Variants in CACNA2D3 observed in about 807,000 individuals in gnomAD.
The protein encoded by CACNA2D3 is calcium voltage-gated channel auxiliary subunit alpha2delta 3, also known as voltage-dependent calcium channel subunit alpha-2/delta-3.
Under a neutral mutation model 160.6 loss-of-function variants are expected in CACNA2D3, and 60 were observed. The ratio of observed to expected loss-of-function variants is 0.37; its 90% confidence interval spans 0.30 to 0.46. CACNA2D3 has a LOEUF of 0.46. CACNA2D3 is among the 20% of genes least tolerant of loss of function. The pLI, the probability that CACNA2D3 is intolerant of heterozygous loss-of-function variation, is 1.00. For missense variants in CACNA2D3, 1,205 were observed against 1,365.0 expected (o/e 0.88, Z 1.85); for synonymous variants, 558 against 492.9 (o/e 1.13, Z -1.75).
At chr3:54,683,172 TA>T (rs1553782077) in intron 11 of CACNA2D3, among the ~76,000 whole-genome samples, 1 of 152,124 alleles carries the variant, frequency 6.6e-6, no homozygotes, top group Non-Finnish European at 1.5e-5. Flanking sequence ...AGCATCACAG[TA>T]GTAATGAACT....
intron 27 of CACNA2D3, among the ~76,000 whole-genome samples, chr3:54,934,206 C>G (rs1319174321): frequency 1.3e-5 from 2 of 152,192 alleles, no homozygotes; most frequent in Non-Finnish European, 2.9e-5. Flanking sequence ...ATTAAGGGAA[C>G]CTATAGTTGT....
chr3:54,256,923 G>A (rs57537423), intron 2 of CACNA2D3, among the ~76,000 whole-genome samples: 4,991 of 152,222 alleles, frequency 0.033, 274 homozygotes, highest in African/African-American at 0.11. Context: ...ATTATTTGTC[G>A]CACTTTTTGG....
intron 2 of CACNA2D3, among the ~76,000 whole-genome samples, chr3:54,126,432 A>G (rs1699592005): frequency 6.6e-6 from 1 of 152,190 alleles, no homozygotes; most frequent in Non-Finnish European, 1.5e-5. Flanking sequence ...TTCAGAAATA[A>G]GAGTATTTTA....
intron 2 of CACNA2D3, among the ~76,000 whole-genome samples, chr3:54,218,029 T>G (rs993526618): frequency 3.1e-4 from 45 of 145,392 alleles, no homozygotes; most frequent in African/African-American, 1.1e-3. Flanking sequence ...GAGAGAGAGG[T>G]GTGTTAGAGA....
chr3:54,684,739 TA>T (rs1254566375), intron 11 of CACNA2D3, among the ~76,000 whole-genome samples: 1 of 113,190 alleles, frequency 8.8e-6, no homozygotes, highest in East Asian at 2.3e-4. Context: ...AAACCATTAT[TA>T]AACGTTTGTC....
intron 11 of CACNA2D3, among the ~76,000 whole-genome samples, chr3:54,692,916 T>A (rs1700595590): frequency 6.6e-6 from 1 of 152,178 alleles, no homozygotes; most frequent in South Asian, 2.1e-4. Context: ...AAAAAAGCCA[T>A]TTAGTTTTTG....
rs766164705 is a variant in CACNA2D3, at chr3:54,987,707, G to A, written c.2644G>A (p.Glu882Lys). Residue 882 changes from glutamate to lysine, a missense_variant, in exon 31 of 38, where the codon GAG becomes AAG. By Grantham distance (56) the Glu-to-Lys change is moderately conservative (BLOSUM62 1). This residue lies in a region of CACNA2D3 where 911 missense variants were observed against 1,002.2 expected (regional missense o/e 0.91). Coordinates refer to ENST00000474759, the MANE Select transcript of CACNA2D3 (RefSeq NM_018398.3). ...GACTGGAGACTTTTTTGGTGAGATC[G>A]AGGGAGCTGTGATGAACAAATTGCT... ...TQTGDFFGEI[E>K]GAVMNKLLTM... 2.5e-6 allele frequency: 4 copies of A among 1,610,250 alleles called. No individual in the cohort carries two copies. Among genetic ancestry groups the A allele is most frequent in the South Asian group, 1.1e-5 (1 of 90,370 alleles).
chr3:54,251,265 T>C (rs755218237), intron 2 of CACNA2D3, among the ~76,000 whole-genome samples: 1 of 152,120 alleles, frequency 6.6e-6, no homozygotes, highest in Non-Finnish European at 1.5e-5. Context: ...CTGCAAGAGA[T>C]GAAGTCTTCT....
chr3:54,731,076 A>G (rs1019395554), intron 11 of CACNA2D3, among the ~76,000 whole-genome samples: 3 of 152,122 alleles, frequency 2.0e-5, no homozygotes, highest in Admixed American at 6.5e-5. Context: ...TCAACTTGCC[A>G]AAAAAAGAAT....
At chr3:54,742,903 A>G (rs116176349) in intron 11 of CACNA2D3, among the ~76,000 whole-genome samples, 792 of 152,316 alleles carry the variant, frequency 5.2e-3, no homozygotes, top group Non-Finnish European at 9.1e-3. Flanking sequence ...GAGCTTTTTT[A>G]TACCTCCATT....
intron 2 of CACNA2D3, among the ~76,000 whole-genome samples, chr3:54,182,390 A>G (rs1700800069): frequency 6.6e-6 from 1 of 152,182 alleles, no homozygotes; most frequent in Admixed American, 6.5e-5. Context: ...AGAGGTAACA[A>G]ATGGCTTTCT....
At chr3:54,475,811 G>A (rs1332346213) in intron 4 of CACNA2D3, among the ~76,000 whole-genome samples, 1 of 148,842 alleles carries the variant, frequency 6.7e-6, no homozygotes, top group African/African-American at 2.4e-5. Context: ...GTTACCATTT[G>A]TGTGTGTGTG....
In CACNA2D3 at chr3:54,696,145, ATCT is replaced by A. The variant is rs575039733; in HGVS notation, c.1167+53909_1167+53911del. 1.9e-4 allele frequency among the ~76,000 whole-genome samples: 29 copies of A among 152,218 alleles called. No homozygotes were observed. In the South Asian group the frequency reaches 4.8e-3, roughly 25 times the overall value. The stretch of plus-strand genomic sequence containing the variant: ...ACTCCACCATTATATTCAGAGAAAA[ATCT>A]TCTTAGTAGTTTCCATTATAGTTGC... On this transcript the variant is annotated intron_variant, in intron 11 of 37. Transcript: ENST00000474759.
intron 11 of CACNA2D3, among the ~76,000 whole-genome samples, chr3:54,665,949 G>A (rs1327979959): frequency 2.6e-5 from 4 of 152,082 alleles, no homozygotes; most frequent in East Asian, 1.9e-4. Flanking sequence ...CTACAGGGAT[G>A]TGCCACCATG....
intron 8 of CACNA2D3, among the ~76,000 whole-genome samples, chr3:54,576,260 A>G (rs532527222): frequency 6.6e-6 from 1 of 152,234 alleles, no homozygotes; most frequent in South Asian, 2.1e-4. Flanking sequence ...CCAGAGCCCA[A>G]AGTCAGTTGT....
intron 21 of CACNA2D3, 41 bp from the exon 22 acceptor site, chr3:54,885,240 G>A (rs1019249104): frequency 7.5e-6 from 12 of 1,605,694 alleles, no homozygotes; most frequent in South Asian, 2.2e-5. Context: ...AGGACTGGGG[G>A]AGTGATACTT....
chr3:54,379,844 T>G (rs2106641633), intron 3 of CACNA2D3, among the ~76,000 whole-genome samples: 1 of 152,312 alleles, frequency 6.6e-6, no homozygotes, highest in East Asian at 1.9e-4. Flanking sequence ...TTGTCACTTG[T>G]CCCTTCTCAT....
chr3:54,203,755 G>T (rs1436784906), intron 2 of CACNA2D3, among the ~76,000 whole-genome samples: 2 of 152,032 alleles, frequency 1.3e-5, no homozygotes, highest in Non-Finnish European at 2.9e-5. Flanking sequence ...TTCTGCCGAC[G>T]TGCTTCCTCG....
intron 34 of CACNA2D3, among the ~76,000 whole-genome samples, chr3:55,014,671 G>A (rs1485237439): frequency 2.6e-5 from 4 of 152,176 alleles, no homozygotes; most frequent in Non-Finnish European, 5.9e-5. Flanking sequence ...GGCGGAGGTT[G>A]CAGTGAGCCG....
Sources: allele counts gnomAD v4.1 joint callset (sites outside exome capture counted in the v4.1 genomes callset), GRCh38; gene constraint gnomAD v4.1.1; regional missense constraint gnomAD v4.1.1; transcripts MANE v1.5; gene names NCBI Gene and HGNC (gene_info 2026-07-23, HGNC 2026-07-21).